The following DPP10 variants were observed in gnomAD, a reference collection of about 807,000 sequenced individuals.
DPP10 encodes the protein dipeptidyl peptidase like 10.
In DPP10, 33 loss-of-function variants were observed where a neutral mutation model predicts 120.9. That is an observed-to-expected ratio of 0.27 (90% CI 0.21 to 0.37). The LOEUF (loss-of-function observed/expected upper bound fraction) is 0.37. Among genes scored for constraint, DPP10 ranks in the 10% least tolerant of loss-of-function variants. DPP10 has a pLI of 1.00. For synonymous variants in DPP10, 337 were observed against 326.1 expected (o/e 1.03, Z -0.36); for missense variants, 816 against 942.8 (o/e 0.87, Z 1.76).
intron 1 of DPP10, among the ~76,000 whole-genome samples, chr2:115,216,740 G>A (rs965143701): frequency 1.3e-5 from 2 of 152,004 alleles, no homozygotes; most frequent in African/African-American, 4.8e-5. Context: ...AGCCCGGATC[G>A]TGCCATGGCA....
chr2:114,961,448 C>CGTGTGTGT lies in DPP10; in HGVS notation c.61-347775_61-347768dup, dbSNP rs74265866. Reference sequence around the variant, plus strand: ...CTTTGTGTGTGTTTGTGTTTGAATGCGTGTGTGTGTGTGTGTGTGTGTGCG... The same window carrying CGTGTGTGT: ...CTTTGTGTGTGTTTGTGTTTGAATGCGTGTGTGTGTGTGTGTGTGTGTGTGTGTGTGCG... On this transcript the variant is annotated intron_variant, in intron 1 of 25. Coordinates refer to ENST00000410059, the MANE Select transcript of DPP10 (RefSeq NM_020868.6). 8.8e-4 allele frequency among the ~76,000 whole-genome samples: 133 copies of CGTGTGTGT among 150,368 alleles called. 1 individual carries two copies. Among genetic ancestry groups the CGTGTGTGT allele is most frequent in the African/African-American group, 3.1e-3 (128 of 40,976 alleles).
At chr2:114,887,921 C>G (rs890561692) in intron 1 of DPP10, among the ~76,000 whole-genome samples, 2 of 151,902 alleles carry the variant, frequency 1.3e-5, no homozygotes, top group African/African-American at 4.8e-5. Flanking sequence ...GGGTGGATCA[C>G]GAGGTCAGGA....
At position 114,793,415 on chromosome 2, in the gene DPP10, G is replaced by A. The variant is rs548053815; in HGVS notation, c.60+350577G>A. ...ATGTGGTGTTTGGTTTTCTGTTCTC[G>A]TGTTAGTTTGCTGAGAATGATGGTT... On this transcript the variant is annotated intron_variant, in intron 1 of 25. Coordinates refer to ENST00000410059, the MANE Select transcript of DPP10 (RefSeq NM_020868.6). Among the ~76,000 whole-genome samples the A allele has an allele frequency of 3.9e-5, 6 of 152,098 alleles. No individual in the cohort carries two copies. In the East Asian group the frequency reaches 5.8e-4, roughly 15 times the overall value.
At chr2:115,463,195 T>C (rs1256761190) in intron 3 of DPP10, among the ~76,000 whole-genome samples, 5 of 152,174 alleles carry the variant, frequency 3.3e-5, no homozygotes, top group Admixed American at 1.3e-4. Context: ...CAGCATCCTA[T>C]TTCTATACAT....
At chr2:114,722,529 C>A (rs1385606281) in intron 1 of DPP10, among the ~76,000 whole-genome samples, 2 of 152,178 alleles carry the variant, frequency 1.3e-5, no homozygotes, top group African/African-American at 2.4e-5. Context: ...GTAATCCCAG[C>A]ACTTTGGGAG....
chr2:115,627,519 AAATGT>A (rs1047410086), intron 5 of DPP10, among the ~76,000 whole-genome samples: 9 of 152,138 alleles, frequency 5.9e-5, no homozygotes, highest in Non-Finnish European at 1.2e-4. Flanking sequence ...TTTTATTTTA[AAATGT>A]AATGTAAATT....
At chr2:114,963,167 C>T (rs1052394029) in intron 1 of DPP10, among the ~76,000 whole-genome samples, 30 of 152,284 alleles carry the variant, frequency 2.0e-4, no homozygotes, top group African/African-American at 7.2e-4. Flanking sequence ...TTAGTTACAA[C>T]CAGCTTTCAG....
At chr2:115,064,979 A>G (rs1156687318) in intron 1 of DPP10, among the ~76,000 whole-genome samples, 1 of 152,142 alleles carries the variant, frequency 6.6e-6, no homozygotes. Flanking sequence ...GTGTATGTTT[A>G]TATTATAATT....
chr2:114,583,490 C>T (rs571945338), intron 1 of DPP10, among the ~76,000 whole-genome samples: 35 of 152,324 alleles, frequency 2.3e-4, no homozygotes, highest in African/African-American at 7.5e-4. Context: ...CTATTAAGCA[C>T]AGAATTGAAT....
chr2:115,334,500 A>C (rs928324136), intron 2 of DPP10, among the ~76,000 whole-genome samples: 3 of 151,672 alleles, frequency 2.0e-5, no homozygotes, highest in Non-Finnish European at 4.4e-5. Flanking sequence ...TTATTTTTCC[A>C]ATTTATATTT....
At chr2:115,840,311 G>GTGTTT (rs1575965088) in intron 24 of DPP10, among the ~76,000 whole-genome samples, 2 of 33,242 alleles carry the variant, frequency 6.0e-5, no homozygotes, top group African/African-American at 9.0e-5. Context: ...CAGATATAAG[G>GTGTTT]TTTTTTGGTT....
At chr2:114,959,841 G>A (rs1473912820) in intron 1 of DPP10, among the ~76,000 whole-genome samples, 1 of 152,124 alleles carries the variant, frequency 6.6e-6, no homozygotes. Flanking sequence ...AGCTTTTCAT[G>A]TGCTTATTGG....
At chr2:115,425,025 G>T (rs2070327160) in intron 3 of DPP10, among the ~76,000 whole-genome samples, 1 of 152,150 alleles carries the variant, frequency 6.6e-6, no homozygotes, top group African/African-American at 2.4e-5. Context: ...GGAGAATGAA[G>T]ATAGTGCCTC....
chr2:114,917,873 A>G (rs771802420), intron 1 of DPP10, among the ~76,000 whole-genome samples: 2 of 152,204 alleles, frequency 1.3e-5, no homozygotes, highest in Non-Finnish European at 2.9e-5. Context: ...AAACCTAGGA[A>G]ATACTATTCC....
At chr2:114,874,918 T>C (rs554589480) in intron 1 of DPP10, among the ~76,000 whole-genome samples, 1 of 152,270 alleles carries the variant, frequency 6.6e-6, no homozygotes, top group African/African-American at 2.4e-5. Flanking sequence ...CTTATACTAC[T>C]AGAGAGAAGG....
At chr2:115,802,213 A>C (rs7606579) in intron 19 of DPP10, among the ~76,000 whole-genome samples, 1 of 152,016 alleles carries the variant, frequency 6.6e-6, no homozygotes, top group African/African-American at 2.4e-5. Flanking sequence ...TTTCTATTTT[A>C]TTTGCATAGA....
intron 1 of DPP10, among the ~76,000 whole-genome samples, chr2:114,560,537 C>G (rs1227723328): frequency 6.6e-6 from 1 of 152,116 alleles, no homozygotes; most frequent in Non-Finnish European, 1.5e-5. Context: ...GGCTTACATA[C>G]CCTATAGCCA....
chr2:114,588,095 A>T (rs1297386516), intron 1 of DPP10, among the ~76,000 whole-genome samples: 1 of 152,222 alleles, frequency 6.6e-6, no homozygotes, highest in East Asian at 1.9e-4. Flanking sequence ...CTTTTGAAAC[A>T]ATATGGATCT....
At chr2:115,012,512 C>A (rs925882954) in intron 1 of DPP10, among the ~76,000 whole-genome samples, 2 of 152,200 alleles carry the variant, frequency 1.3e-5, no homozygotes, top group African/African-American at 4.8e-5. Context: ...TCACAGGGCT[C>A]TTTGCAGACA....
Sources: allele counts gnomAD v4.1 joint callset (sites outside exome capture counted in the v4.1 genomes callset), GRCh38; gene constraint gnomAD v4.1.1; transcripts MANE v1.5; gene names NCBI Gene and HGNC (gene_info 2026-07-23, HGNC 2026-07-21).